The following CCDC60 variants were observed in gnomAD, a reference collection of about 807,000 sequenced individuals.
CCDC60 encodes the protein coiled-coil domain-containing protein 60.
CCDC60 carries 54 observed loss-of-function variants against 63.5 expected under a neutral mutation model. The observed-to-expected ratio is 0.85, with a 90% confidence interval of 0.68 to 1.07. CCDC60 has a LOEUF of 1.07. Ranked by LOEUF, CCDC60 falls within the 50% of genes least tolerant of loss-of-function variation. The pLI, the probability that CCDC60 is intolerant of heterozygous loss-of-function variation, is 0.00. For missense variants in CCDC60, 651 were observed against 684.3 expected (o/e 0.95, Z 0.54); for synonymous variants, 206 against 238.8 (o/e 0.86, Z 1.27).
intron 1 of CCDC60, among the ~76,000 whole-genome samples, chr12:119,345,472 A>T (rs1772915647): frequency 1.3e-5 from 2 of 151,950 alleles, no homozygotes; most frequent in South Asian, 4.2e-4. Flanking sequence ...ACTGCACTCC[A>T]GCCTTGGTGA....
At chr12:119,477,782 T>G (rs1385803997) in intron 3 of CCDC60, among the ~76,000 whole-genome samples, 1 of 152,230 alleles carries the variant, frequency 6.6e-6, no homozygotes, top group Admixed American at 6.5e-5. Context: ...CCCATCATTC[T>G]TGTGTAGAAA....
chr12:119,458,467 T>C (rs1435028450), intron 2 of CCDC60, among the ~76,000 whole-genome samples: 1 of 152,162 alleles, frequency 6.6e-6, no homozygotes, highest in African/African-American at 2.4e-5. Context: ...GGGCTCTTAG[T>C]TTTTAACACA....
chr12:119,500,020 A>T, intron 5 of CCDC60, 58 bp from the exon 6 acceptor site: 1 of 1,181,214 alleles, frequency 8.5e-7, no homozygotes, highest in Non-Finnish European at 1.3e-6. Context: ...TCTTAAAAGA[A>T]CTTGTAATAA....
At chr12:119,498,230 G>A (rs995373948) in intron 5 of CCDC60, among the ~76,000 whole-genome samples, 1 of 152,034 alleles carries the variant, frequency 6.6e-6, no homozygotes, top group Non-Finnish European at 1.5e-5. Flanking sequence ...TTCTATATCT[G>A]AGCACCTCCC....
intron 7 of CCDC60, among the ~76,000 whole-genome samples, chr12:119,508,479 C>CAA (rs536569469): frequency 1.2e-4 from 17 of 136,394 alleles, no homozygotes; most frequent in African/African-American, 4.2e-4. Context: ...GACTCTGTCT[C>CAA]AAAAAAAAAA....
chr12:119,360,812 C>G (rs1215263714), intron 1 of CCDC60, among the ~76,000 whole-genome samples: 5 of 152,094 alleles, frequency 3.3e-5, no homozygotes, highest in Admixed American at 6.5e-5. Flanking sequence ...TGTAGCGAGC[C>G]GAGATCATGC....
At chr12:119,343,186 T>C (rs1955549210) in intron 1 of CCDC60, among the ~76,000 whole-genome samples, 1 of 152,256 alleles carries the variant, frequency 6.6e-6, no homozygotes, top group Non-Finnish European at 1.5e-5. Flanking sequence ...AAATTCCTGT[T>C]TTCAAACTCT....
chr12:119,360,620 C>T (rs868280432), intron 1 of CCDC60, among the ~76,000 whole-genome samples: 3 of 151,636 alleles, frequency 2.0e-5, no homozygotes, highest in East Asian at 1.9e-4. Flanking sequence ...AACAGGGCGG[C>T]GGGGCAGAGG....
At chr12:119,344,814 C>T (rs1228396243) in intron 1 of CCDC60, among the ~76,000 whole-genome samples, 1 of 148,608 alleles carries the variant, frequency 6.7e-6, no homozygotes, top group African/African-American at 2.5e-5. Flanking sequence ...CCTCTTAGAA[C>T]ATTCTCTCTC....
chr12:119,345,197 A>G (rs1328682275), intron 1 of CCDC60, among the ~76,000 whole-genome samples: 1 of 152,132 alleles, frequency 6.6e-6, no homozygotes, highest in Non-Finnish European at 1.5e-5. Context: ...AAGCCAAACC[A>G]ACCCTGCTTA....
chr12:119,505,557 A>G (rs921481900), intron 7 of CCDC60, among the ~76,000 whole-genome samples: 4 of 152,212 alleles, frequency 2.6e-5, no homozygotes, highest in African/African-American at 9.6e-5. Flanking sequence ...TTCTAATTTT[A>G]AAAATATTTT....
intron 2 of CCDC60, among the ~76,000 whole-genome samples, chr12:119,444,908 T>TA (rs1418808447): frequency 6.6e-6 from 1 of 152,060 alleles, no homozygotes; most frequent in Non-Finnish European, 1.5e-5. Context: ...CTGAAAAACT[T>TA]ACAGGAAGAG....
chr12:119,501,069 A>G (rs938903813), intron 6 of CCDC60, among the ~76,000 whole-genome samples: 1 of 152,236 alleles, frequency 6.6e-6, no homozygotes, highest in African/African-American at 2.4e-5. Context: ...GGTAAAGGTA[A>G]TAGAGCACAC....
intron 2 of CCDC60, among the ~76,000 whole-genome samples, chr12:119,450,711 G>T (rs977001199): frequency 6.6e-6 from 1 of 152,088 alleles, no homozygotes; most frequent in African/African-American, 2.4e-5. Context: ...ACAAAAATTA[G>T]CTAGGCTTTG....
chr12:119,426,767 C>G (rs1167696830), intron 1 of CCDC60, among the ~76,000 whole-genome samples: 1 of 152,138 alleles, frequency 6.6e-6, no homozygotes, highest in African/African-American at 2.4e-5. Context: ...CATGTATTGG[C>G]CAACCCAGGA....
intron 4 of CCDC60, 81 bp downstream of exon 4, chr12:119,479,282 T>G: frequency 2.2e-6 from 2 of 900,502 alleles, no homozygotes; most frequent in South Asian, 1.4e-5. Flanking sequence ...CGAGCTGTCA[T>G]GTCAGTAGCT....
intron 3 of CCDC60, among the ~76,000 whole-genome samples, chr12:119,477,641 C>T (rs1050550119): frequency 6.6e-6 from 1 of 152,128 alleles, no homozygotes; most frequent in Admixed American, 6.5e-5. Flanking sequence ...TACACTGCAG[C>T]TCAGAAACTA....
intron 1 of CCDC60, among the ~76,000 whole-genome samples, chr12:119,360,412 G>C (rs1258784505): frequency 7.3e-5 from 11 of 150,844 alleles, no homozygotes; most frequent in Non-Finnish European, 1.3e-4. Flanking sequence ...CCTCCCTCCC[G>C]GACAGGGTGG....
intron 1 of CCDC60, among the ~76,000 whole-genome samples, chr12:119,344,836 T>TTC (rs796680771): frequency 0.025 from 2,679 of 107,604 alleles, 61 homozygotes; most frequent in East Asian, 0.057. Flanking sequence ...CTCTCTCTCT[T>TTC]TCTCTCTCTC....
Sources: allele counts gnomAD v4.1 joint callset (sites outside exome capture counted in the v4.1 genomes callset), GRCh38; gene constraint gnomAD v4.1.1; transcripts MANE v1.5; gene names NCBI Gene and HGNC (gene_info 2026-07-23, HGNC 2026-07-21).